The following HEMK2 variants were observed in gnomAD, a reference collection of about 807,000 sequenced individuals.
The protein encoded by HEMK2 is methyltransferase HEMK2.
chr21:28,863,460 ATAT>A, the HEMK2 span, among the ~76,000 whole-genome samples: 1 of 77,704 alleles, frequency 1.3e-5, no homozygotes, highest in African/African-American at 4.0e-5. Context: ...ATATATATAT[ATAT>A]ATATATACTT....
At chr21:28,692,235 A>C in the HEMK2 span, among the ~76,000 whole-genome samples, 1 of 152,158 alleles carries the variant, frequency 6.6e-6, no homozygotes, top group East Asian at 1.9e-4. Context: ...TCAGCAAGAG[A>C]CTATTACTCT....
the HEMK2 span, among the ~76,000 whole-genome samples, chr21:28,764,082 T>C: frequency 1.3e-5 from 2 of 152,084 alleles, no homozygotes; most frequent in African/African-American, 2.4e-5. Flanking sequence ...GTTTTCTCTT[T>C]TTTTCCTAAC....
the HEMK2 span, among the ~76,000 whole-genome samples, chr21:28,720,490 T>C: frequency 1.3e-5 from 2 of 152,154 alleles, no homozygotes; most frequent in African/African-American, 2.4e-5. Flanking sequence ...TCTAGCACTT[T>C]GGGAGGCCAA....
At chr21:28,663,228 T>C in the HEMK2 span, among the ~76,000 whole-genome samples, 1 of 152,184 alleles carries the variant, frequency 6.6e-6, no homozygotes, top group Non-Finnish European at 1.5e-5. Flanking sequence ...ATAAGTGTAG[T>C]GAAGTCACAG....
At chr21:28,772,201 T>A in the HEMK2 span, among the ~76,000 whole-genome samples, 5 of 152,160 alleles carry the variant, frequency 3.3e-5, no homozygotes, top group African/African-American at 7.2e-5. Flanking sequence ...AAAACCTATG[T>A]TTCAACCATG....
the HEMK2 span, among the ~76,000 whole-genome samples, chr21:28,620,545 T>C: frequency 1.6e-4 from 25 of 152,184 alleles, no homozygotes; most frequent in East Asian, 4.6e-3. Flanking sequence ...TTTTCTAGTT[T>C]ATTTGTGTAG....
At chr21:28,639,768 A>T in the HEMK2 span, among the ~76,000 whole-genome samples, 1 of 152,360 alleles carries the variant, frequency 6.6e-6, no homozygotes, top group Non-Finnish European at 1.5e-5. Context: ...TCTGTGGTTC[A>T]GACGAGGAAC....
At chr21:28,852,146 C>A in the HEMK2 span, among the ~76,000 whole-genome samples, 1 of 152,326 alleles carries the variant, frequency 6.6e-6, no homozygotes, top group South Asian at 2.1e-4. Context: ...TGGCACTAAT[C>A]TCTGCAATCC....
the HEMK2 span, among the ~76,000 whole-genome samples, chr21:28,620,150 T>A: frequency 6.6e-6 from 1 of 152,220 alleles, no homozygotes; most frequent in East Asian, 1.9e-4. Context: ...CTTTTTGATG[T>A]GCTGCTGGAT....
the HEMK2 span, among the ~76,000 whole-genome samples, chr21:28,621,165 G>T: frequency 6.6e-6 from 1 of 151,942 alleles, no homozygotes; most frequent in Non-Finnish European, 1.5e-5. Flanking sequence ...TTAGGGTGTC[G>T]ATTTTAGATC....
the HEMK2 span, among the ~76,000 whole-genome samples, chr21:28,835,338 G>C: frequency 2.6e-5 from 4 of 152,082 alleles, no homozygotes; most frequent in Non-Finnish European, 4.4e-5. Context: ...AAAACCCCCA[G>C]TACCAGCCCA....
At chr21:28,794,957 C>T in the HEMK2 span, among the ~76,000 whole-genome samples, 6 of 152,250 alleles carry the variant, frequency 3.9e-5, no homozygotes, top group East Asian at 9.6e-4. Context: ...GACCTGGTGC[C>T]GTAGCACTTT....
the HEMK2 span, among the ~76,000 whole-genome samples, chr21:28,771,537 T>C: frequency 1.0e-5 from 1 of 99,442 alleles, no homozygotes; most frequent in South Asian, 4.1e-4. Flanking sequence ...CGCCAAAGAA[T>C]TGCCTACTCC....
the HEMK2 span, among the ~76,000 whole-genome samples, chr21:28,838,832 G>C: frequency 6.7e-6 from 1 of 148,360 alleles, no homozygotes; most frequent in Non-Finnish European, 1.5e-5. Context: ...CCAGCTACTC[G>C]GGAGGCTGAG....
the HEMK2 span, among the ~76,000 whole-genome samples, chr21:28,622,613 T>A: frequency 6.6e-6 from 1 of 152,140 alleles, no homozygotes; most frequent in Non-Finnish European, 1.5e-5. Context: ...AACAGCATGG[T>A]ACTAGTACCA....
At chr21:28,831,598 G>GAAAGAAA in the HEMK2 span, among the ~76,000 whole-genome samples, 1 of 64,794 alleles carries the variant, frequency 1.5e-5, no homozygotes, top group African/African-American at 9.3e-5. Context: ...AAGGAAAGAA[G>GAAAGAAA]GAAAGAAGGA....
At chr21:28,821,730 A>C in the HEMK2 span, among the ~76,000 whole-genome samples, 9 of 152,344 alleles carry the variant, frequency 5.9e-5, no homozygotes, top group South Asian at 2.1e-4. Context: ...TAATAATAAA[A>C]ACAACAATTC....
At chr21:28,607,332 A>T in the HEMK2 span, among the ~76,000 whole-genome samples, 28 of 152,060 alleles carry the variant, frequency 1.8e-4, 1 homozygote, top group Non-Finnish European at 3.7e-4. Context: ...ACTTGCGTGA[A>T]CCTGAGAGTC....
At chr21:28,869,179 T>C in the HEMK2 span, among the ~76,000 whole-genome samples, 3 of 152,224 alleles carry the variant, frequency 2.0e-5, no homozygotes, top group African/African-American at 7.2e-5. Context: ...GCCAAGTGTA[T>C]TGAATTTCAA....
Sources: gnomAD v4.1 joint callset for allele counts (sites outside exome capture counted in the v4.1 genomes callset) on GRCh38, gnomAD v4.1.1 for gene constraint, MANE v1.5 for transcripts, NCBI Gene and HGNC (gene_info 2026-07-23, HGNC 2026-07-21) for gene names.